The following CDC73 variants were observed in gnomAD, a reference collection of about 807,000 sequenced individuals.
The protein encoded by CDC73 is parafibromin.
In CDC73, 21 loss-of-function variants were observed where a neutral mutation model predicts 83.7. The ratio of observed to expected loss-of-function variants is 0.25; its 90% CI spans 0.18 to 0.36. CDC73 has a LOEUF of 0.36. Ranked by LOEUF, CDC73 falls within the 10% of genes least tolerant of loss-of-function variation. The pLI is 1.00. For missense variants in CDC73, 342 were observed against 653.3 expected (o/e 0.52, Z 5.19); for synonymous variants, 224 against 212.9 (o/e 1.05, Z -0.45).
intron 15 of CDC73, among the ~76,000 whole-genome samples, chr1:193,238,233 G>A (rs934296496): frequency 7.2e-5 from 11 of 151,948 alleles, no homozygotes; most frequent in Middle Eastern, 3.4e-3. Context: ...TTTTCTCAGC[G>A]TTTAAGAATA....
chr1:193,232,182 CAAGGCTACTCTG>C (rs1201956737), intron 13 of CDC73, among the ~76,000 whole-genome samples: 1 of 151,652 alleles, frequency 6.6e-6, no homozygotes, highest in African/African-American at 2.4e-5. Context: ...TTAAAATTTT[CAAGGCTACTCTG>C]AAGTTTGATG....
intron 10 of CDC73, among the ~76,000 whole-genome samples, chr1:193,164,581 T>G (rs1488316499): frequency 1.3e-5 from 2 of 152,194 alleles, no homozygotes; most frequent in Non-Finnish European, 2.9e-5. Flanking sequence ...GCAATGAGCA[T>G]ATAATAAATT....
At chr1:193,143,846 A>G (rs1488553270) in intron 7 of CDC73, among the ~76,000 whole-genome samples, 1 of 152,192 alleles carries the variant, frequency 6.6e-6, no homozygotes, top group Non-Finnish European at 1.5e-5. Flanking sequence ...GCAGCGGCTC[A>G]TGCCAGTAAT....
chr1:193,160,870 C>G (rs1315133704), intron 10 of CDC73, among the ~76,000 whole-genome samples: 1 of 151,868 alleles, frequency 6.6e-6, no homozygotes, highest in African/African-American at 2.4e-5. Context: ...TTGATGGGAA[C>G]TTTTCCATTG....
At chr1:193,163,191 AT>A (rs1237445745) in intron 10 of CDC73, among the ~76,000 whole-genome samples, 108 of 146,658 alleles carry the variant, frequency 7.4e-4, no homozygotes, top group African/African-American at 1.9e-3. Context: ...GTGTGTGTAT[AT>A]TTTTTTTTTC....
intron 10 of CDC73, chr1:193,179,971 T>G (rs1558300605): frequency 5.7e-6 from 1 of 174,306 alleles, no homozygotes; most frequent in South Asian, 2.0e-4. Flanking sequence ...TGAATTAAAA[T>G]TTATGTGGAA....
At chr1:193,135,868 C>CTTCT (rs1447225590) in intron 5 of CDC73, among the ~76,000 whole-genome samples, 35 of 127,150 alleles carry the variant, frequency 2.8e-4, no homozygotes, top group African/African-American at 5.2e-4. Flanking sequence ...CCTTTCTGTT[C>CTTCT]TTTTTTTTTT....
intron 11 of CDC73, among the ~76,000 whole-genome samples, chr1:193,205,198 C>G (rs1206828386): frequency 2.2e-5 from 2 of 91,022 alleles, no homozygotes; most frequent in Admixed American, 1.0e-4. Flanking sequence ...CCACCTGTCC[C>G]CCCCCCCCCC....
intron 7 of CDC73, 55 bp downstream of exon 7, chr1:193,142,121 G>T (rs1373677838): frequency 7.2e-7 from 1 of 1,384,440 alleles, no homozygotes; most frequent in African/African-American, 1.4e-5. Context: ...GAGAGAGTGC[G>T]TTTAATCTGT....
At chr1:193,218,849 G>T (rs1677414267) in intron 13 of CDC73, among the ~76,000 whole-genome samples, 1 of 152,222 alleles carries the variant, frequency 6.6e-6, no homozygotes, top group South Asian at 2.1e-4. Flanking sequence ...CATAGGCCTT[G>T]GTAAACATTT....
chr1:193,252,524 TTGAA>T lies in CDC73; in HGVS notation c.*1816_*1819del, dbSNP rs1393223157. ...ATGGTTAAAATTAGGAACATCTACT[TTGAA>T]TGAGGTTTATTTTTCTATTTTGAAT... On this transcript the variant is annotated 3_prime_UTR_variant, in exon 17 of 17. Coordinates refer to ENST00000367435, the MANE Select transcript of CDC73 (RefSeq NM_024529.5). 8.7e-6 allele frequency: 2 copies of T among 230,174 alleles called. No homozygotes were observed. The highest frequency in any genetic ancestry group is 4.4e-5 in the African/African-American group (2 of 45,206). 14.3% of individuals were successfully genotyped at this position (230,174 alleles called of 1,614,324 possible).
At chr1:193,167,464 AATTG>A (rs2103146973) in intron 10 of CDC73, among the ~76,000 whole-genome samples, 1 of 152,244 alleles carries the variant, frequency 6.6e-6, no homozygotes, top group South Asian at 2.1e-4. Flanking sequence ...TCTGATTGAC[AATTG>A]ATGTTGCTAC....
chr1:193,206,265 A>C (rs1253137441), intron 11 of CDC73, among the ~76,000 whole-genome samples: 1 of 152,110 alleles, frequency 6.6e-6, no homozygotes, highest in Non-Finnish European at 1.5e-5. Flanking sequence ...TGCCCTGGGG[A>C]TTAAACCAAT....
chr1:193,225,145 A>T (rs1462402512), intron 13 of CDC73, among the ~76,000 whole-genome samples: 1 of 151,308 alleles, frequency 6.6e-6, no homozygotes, highest in Non-Finnish European at 1.5e-5. Flanking sequence ...TTGGTTTTCC[A>T]TTCCTGAGTT....
chr1:193,180,793 A>G (rs1337615306), intron 10 of CDC73: 1 of 1,614,132 alleles, frequency 6.2e-7, no homozygotes, highest in South Asian at 1.1e-5. Context: ...TTCAGTGTTG[A>G]CAAACATGTC....
chr1:193,168,813 C>T (rs993531570), intron 10 of CDC73, among the ~76,000 whole-genome samples: 1 of 152,236 alleles, frequency 6.6e-6, no homozygotes, highest in African/African-American at 2.4e-5. Context: ...GCGTGAGCCA[C>T]AGCGTCTGGC....
In CDC73 at chr1:193,180,221, ATGTAAT is replaced by A. The variant is rs1421186283; in HGVS notation, c.973-23573_973-23568del. 4.6e-6 allele frequency: 6 copies of A among 1,317,280 alleles called. No homozygotes were observed. The East Asian group carries it at 1.5e-4, about 32-fold the overall frequency. The allele number at this position is 1,317,280 out of a possible 1,614,324, so 81.6% of individuals were successfully genotyped here. On this transcript the variant is annotated intron_variant, in intron 10 of 16. Coordinates refer to ENST00000367435, the MANE Select transcript of CDC73 (RefSeq NM_024529.5). ...GTTTTAACTAAAACTTGTCCTACGG[ATGTAAT>A]CAGTTCTAACTATACATGCTTTTAG...
At chr1:193,150,627 C>G (rs1676088256) in intron 9 of CDC73, among the ~76,000 whole-genome samples, 1 of 152,146 alleles carries the variant, frequency 6.6e-6, no homozygotes, top group Admixed American at 6.5e-5. Context: ...GACTGTGTAG[C>G]CTACAAAGCC....
intron 14 of CDC73, among the ~76,000 whole-genome samples, chr1:193,233,973 C>T (rs1677705391): frequency 6.6e-6 from 1 of 151,314 alleles, no homozygotes; most frequent in Admixed American, 6.6e-5. Flanking sequence ...GATGAATTTA[C>T]CTTTGAAGTA....
Sources: allele counts gnomAD v4.1 joint callset (sites outside exome capture counted in the v4.1 genomes callset), GRCh38; gene constraint gnomAD v4.1.1; transcripts MANE v1.5; gene names NCBI Gene and HGNC (gene_info 2026-07-23, HGNC 2026-07-21).